KCND2: variants seen among roughly 807,000 people sequenced by gnomAD.
KCND2 encodes A-type voltage-gated potassium channel KCND2.
A neutral mutation model predicts 54.4 loss-of-function variants in KCND2; 16 were observed. The observed-to-expected ratio is 0.29, with a 90% CI of 0.20 to 0.45. KCND2 has a LOEUF of 0.45. Among genes scored for constraint, KCND2 ranks in the 20% least tolerant of loss-of-function variants. KCND2 has a pLI of 1.00. For synonymous variants in KCND2, 317 were observed against 310.7 expected (o/e 1.02, Z -0.21); for missense variants, 486 against 824.2 (o/e 0.59, Z 5.02).
At chr7:120,619,214 T>G (rs2116497846) in intron 1 of KCND2, among the ~76,000 whole-genome samples, 1 of 152,284 alleles carries the variant, frequency 6.6e-6, no homozygotes, top group South Asian at 2.1e-4. Flanking sequence ...GGTGGATCAC[T>G]TGTGCTTAAG....
intron 1 of KCND2, among the ~76,000 whole-genome samples, chr7:120,301,294 G>A (rs1056326545): frequency 6.6e-6 from 1 of 152,100 alleles, no homozygotes; most frequent in East Asian, 1.9e-4. Flanking sequence ...AAGATCATGG[G>A]AAATCTGCTT....
At chr7:120,658,094 C>A (rs2116555439) in intron 1 of KCND2, among the ~76,000 whole-genome samples, 1 of 152,166 alleles carries the variant, frequency 6.6e-6, no homozygotes, top group South Asian at 2.1e-4. Flanking sequence ...CAAATTTCCA[C>A]CAGAATTTGA....
intron 1 of KCND2, among the ~76,000 whole-genome samples, chr7:120,496,994 A>G (rs558899045): frequency 2.6e-5 from 4 of 152,210 alleles, no homozygotes; most frequent in Non-Finnish European, 5.9e-5. Flanking sequence ...GATTATGATA[A>G]TGGCATTTGA....
chr7:120,594,880 C>T (rs1385223482), intron 1 of KCND2, among the ~76,000 whole-genome samples: 1 of 151,772 alleles, frequency 6.6e-6, no homozygotes, highest in Non-Finnish European at 1.5e-5. Context: ...ATTAGCTGGG[C>T]ATGGTAGCGT....
At chr7:120,435,270 CT>C (rs533084445) in intron 1 of KCND2, among the ~76,000 whole-genome samples, 26,049 of 132,708 alleles carry the variant, frequency 0.2, 3,568 homozygotes, top group African/African-American at 0.41. Context: ...CCATGCCTGG[CT>C]TTTTTTTTTT....
chr7:120,634,272 C>T (rs1264396208), intron 1 of KCND2, among the ~76,000 whole-genome samples: 1 of 151,944 alleles, frequency 6.6e-6, no homozygotes, highest in African/African-American at 2.4e-5. Context: ...CTTCCGACAC[C>T]AATATTTTAT....
At position 120,275,335 on chromosome 7, in the gene KCND2, G is replaced by A. The variant is rs765718403; in HGVS notation, c.703G>A (p.Ala235Thr). The stretch of plus-strand genomic sequence containing the variant: ...TGTGGCCTTCTTCTGCTTGGACACG[G>A]CCTGCGTCATGATCTTCACAGTTGA... Reference protein sequence around the residue: ...YAVAFFCLDTACVMIFTVEYL... With the variant: ...YAVAFFCLDTTCVMIFTVEYL... The change falls in exon 1 of 6, where the codon GCC (alanine) becomes ACC (threonine). Residue 235 changes from alanine (A) to threonine (T), a missense_variant. Physicochemically the swap from Ala to Thr is moderately conservative, Grantham distance 58. Around this residue, in one of 7 missense-constraint regions of KCND2, gnomAD observed 231 missense variants for 386.0 expected, o/e 0.60. Coordinates refer to ENST00000331113, the MANE Select transcript of KCND2 (RefSeq NM_012281.3). 2.5e-6 allele frequency: 4 copies of A among 1,613,638 alleles called. No homozygotes were observed. The highest frequency in any genetic ancestry group is 1.3e-5 in the African/African-American group (1 of 74,792).
chr7:120,498,507 G>T (rs1259329423), intron 1 of KCND2, among the ~76,000 whole-genome samples: 2 of 151,654 alleles, frequency 1.3e-5, no homozygotes, highest in Non-Finnish European at 2.9e-5. Context: ...GGGCGTGGTG[G>T]CTCACGCTTG....
chr7:120,286,733 T>C (rs1352918630), intron 1 of KCND2, among the ~76,000 whole-genome samples: 1 of 151,998 alleles, frequency 6.6e-6, no homozygotes. Context: ...ATTTAGTGAT[T>C]TTGGGTTACC....
chr7:120,282,515 A>G (rs1469374104), intron 1 of KCND2, among the ~76,000 whole-genome samples: 2 of 152,118 alleles, frequency 1.3e-5, no homozygotes, highest in Non-Finnish European at 1.5e-5. Context: ...TGCCTTGGGA[A>G]TTTTGACAAG....
chr7:120,400,555 C>G (rs1801235851), intron 1 of KCND2, among the ~76,000 whole-genome samples: 4 of 152,062 alleles, frequency 2.6e-5, no homozygotes, highest in South Asian at 2.1e-4. Context: ...TAGAAAGCAA[C>G]AAATTGTTTG....
intron 1 of KCND2, among the ~76,000 whole-genome samples, chr7:120,596,737 G>T (rs1386566628): frequency 2.0e-5 from 3 of 152,052 alleles, no homozygotes; most frequent in African/African-American, 4.8e-5. Context: ...CATACTGTTA[G>T]TTCCTGGGTA....
chr7:120,289,083 G>C (rs76625662), intron 1 of KCND2, among the ~76,000 whole-genome samples: 1,514 of 99,838 alleles, frequency 0.015, 24 homozygotes, highest in African/African-American at 0.057. Context: ...CACACAGAGA[G>C]AGAGAGAGAG....
At chr7:120,575,610 C>T (rs916723298) in intron 1 of KCND2, among the ~76,000 whole-genome samples, 16 of 152,276 alleles carry the variant, frequency 1.1e-4, no homozygotes, top group Admixed American at 1.0e-3. Flanking sequence ...TCAGTATTAA[C>T]TATAGCGTAA....
At chr7:120,726,612 C>T (rs899317873) in intron 1 of KCND2, among the ~76,000 whole-genome samples, 4 of 152,180 alleles carry the variant, frequency 2.6e-5, no homozygotes, top group East Asian at 1.9e-4. Flanking sequence ...AATCAACTAA[C>T]GGCTTTCACC....
At chr7:120,281,020 T>G (rs1396110794) in intron 1 of KCND2, among the ~76,000 whole-genome samples, 1 of 152,146 alleles carries the variant, frequency 6.6e-6, no homozygotes, top group Non-Finnish European at 1.5e-5. Flanking sequence ...CAACCTTGTA[T>G]TCTCATCCAG....
chr7:120,277,193 T>A (rs1428233377), intron 1 of KCND2, among the ~76,000 whole-genome samples: 1 of 152,140 alleles, frequency 6.6e-6, no homozygotes, highest in South Asian at 2.1e-4. Context: ...TAGTCTCATT[T>A]TTTTAAAGAC....
At chr7:120,484,645 A>G (rs1387196088) in intron 1 of KCND2, among the ~76,000 whole-genome samples, 1 of 151,528 alleles carries the variant, frequency 6.6e-6, no homozygotes, top group East Asian at 1.9e-4. Flanking sequence ...AATAAAATAA[A>G]TTATACAAAC....
intron 1 of KCND2, among the ~76,000 whole-genome samples, chr7:120,544,304 C>T (rs772143503): frequency 5.3e-5 from 8 of 151,818 alleles, no homozygotes; most frequent in Non-Finnish European, 7.4e-5. Flanking sequence ...ATAAATGGCT[C>T]ATGCTCGGAT....
Sources: gnomAD v4.1 joint callset for allele counts (sites outside exome capture counted in the v4.1 genomes callset) on GRCh38, gnomAD v4.1.1 for gene constraint, gnomAD v4.1.1 regional missense constraint, MANE v1.5 for transcripts, NCBI Gene and HGNC (gene_info 2026-07-23, HGNC 2026-07-21) for gene names.